STXBP5: variants seen among roughly 807,000 people sequenced by gnomAD.
The protein encoded by STXBP5 is syntaxin-binding protein 5.
A neutral mutation model predicts 152.4 loss-of-function variants in STXBP5; 50 were observed. The ratio of observed to expected loss-of-function variants is 0.33; its 90% CI spans 0.26 to 0.42. The LOEUF (loss-of-function observed/expected upper bound fraction) is 0.42. Ranked by LOEUF, STXBP5 falls within the 10% of genes least tolerant of loss-of-function variation. The pLI is 1.00. For synonymous variants in STXBP5, 492 were observed against 494.7 expected, an observed-to-expected ratio of 0.99 and a Z score of 0.07; for missense variants, 1,167 against 1,388.6, an observed-to-expected ratio of 0.84 and a Z score of 2.54.
rs559739301 is a variant in STXBP5, at chr6:147,270,843, C to T, written c.714+3676C>T. Among the ~76,000 whole-genome samples, 33 of 152,032 alleles carry T rather than the reference C, an allele frequency of 2.2e-4. No individual in the cohort carries two copies. The South Asian group carries it at 5.6e-3, about 26-fold the overall frequency. The stretch of plus-strand genomic sequence containing the variant: ...AAACAGACAACAATAGCACAATGGT[C>T]GGAAGACATGGTCAGAAGACAGAGG... On this transcript the variant is annotated intron_variant, in intron 7 of 27. Coordinates refer to ENST00000321680, the MANE Select transcript of STXBP5 (RefSeq NM_001127715.4).
At chr6:147,245,339 A>G (rs1324617382) in intron 4 of STXBP5, among the ~76,000 whole-genome samples, 1 of 152,192 alleles carries the variant, frequency 6.6e-6, no homozygotes, top group Non-Finnish European at 1.5e-5. Context: ...GAAAAAGTAA[A>G]TATACTTTGA....
At chr6:147,337,999 AGTGTTATATGTG>A (rs1223867356) in intron 19 of STXBP5, among the ~76,000 whole-genome samples, 3 of 152,080 alleles carry the variant, frequency 2.0e-5, no homozygotes, top group Non-Finnish European at 4.4e-5. Flanking sequence ...TTTATTGGAG[AGTGTTATATGTG>A]GTGTCAAATT....
At chr6:147,206,329 T>C (rs1157187607) in intron 2 of STXBP5, among the ~76,000 whole-genome samples, 1 of 152,210 alleles carries the variant, frequency 6.6e-6, no homozygotes, top group Non-Finnish European at 1.5e-5. Context: ...ATTTTATTTG[T>C]AAGGAGATAG....
intron 8 of STXBP5, among the ~76,000 whole-genome samples, chr6:147,288,901 G>C (rs1781130435): frequency 6.6e-6 from 1 of 152,172 alleles, no homozygotes; most frequent in Admixed American, 6.5e-5. Context: ...TCTTCCCTTA[G>C]GGTGTGCTGC....
In STXBP5 at chr6:147,359,165, C is replaced by A; in HGVS notation, c.2387C>A (p.Ala796Asp). Residue 796 changes from alanine to aspartate, a missense_variant, in exon 23 of 28, where the codon GCT (alanine) becomes GAT (aspartate). By Grantham distance (126) the Ala-to-Asp change is moderately radical. Coordinates refer to ENST00000321680, the MANE Select transcript of STXBP5 (RefSeq NM_001127715.4). ...AAAGAATCCCGAGAAGCGATCTCCG[C>A]TCTTCATTTCTGTGAAACGTTTACT... ...IDKESREAIS[A>D]LHFCETFTRK... 6.2e-7 allele frequency: 1 copy of A among 1,614,060 alleles called. No homozygotes were observed. The highest frequency in any genetic ancestry group is 8.5e-7 in the Non-Finnish European group (1 of 1,179,950).
chr6:147,320,393 A>G (rs971280850), intron 16 of STXBP5, among the ~76,000 whole-genome samples: 1 of 152,148 alleles, frequency 6.6e-6, no homozygotes, highest in Non-Finnish European at 1.5e-5. Flanking sequence ...GGTTGAGGGG[A>G]AAATGAGAGG....
At chr6:147,300,443 G>A (rs1015244132) in intron 9 of STXBP5, among the ~76,000 whole-genome samples, 3 of 152,028 alleles carry the variant, frequency 2.0e-5, no homozygotes, top group Non-Finnish European at 4.4e-5. Flanking sequence ...AAACAGCATG[G>A]TATTGGCATA....
intron 2 of STXBP5, among the ~76,000 whole-genome samples, chr6:147,211,273 C>T (rs529820267): frequency 1.9e-4 from 28 of 145,098 alleles, no homozygotes; most frequent in African/African-American, 6.9e-4. Context: ...TGTGCCACTG[C>T]ATTCCAGCCT....
intron 19 of STXBP5, among the ~76,000 whole-genome samples, chr6:147,337,751 A>G (rs760091285): frequency 4.6e-5 from 7 of 152,030 alleles, no homozygotes; most frequent in Admixed American, 2.0e-4. Flanking sequence ...AAAAACAACT[A>G]TATGTATTTC....
chr6:147,364,972 T>C (rs558132113), intron 25 of STXBP5, among the ~76,000 whole-genome samples: 1 of 152,336 alleles, frequency 6.6e-6, no homozygotes, highest in Admixed American at 6.5e-5. Context: ...AATTATGTAA[T>C]CATAAACAAG....
intron 2 of STXBP5, among the ~76,000 whole-genome samples, chr6:147,206,801 AT>A (rs563776084): frequency 1.0e-3 from 156 of 152,198 alleles, no homozygotes; most frequent in African/African-American, 3.7e-3. Context: ...ACTTCAAAAG[AT>A]TTTTTTCAAG....
intron 22 of STXBP5, among the ~76,000 whole-genome samples, chr6:147,355,371 A>C (rs1245986330): frequency 6.6e-6 from 1 of 152,172 alleles, no homozygotes; most frequent in East Asian, 1.9e-4. Context: ...TTGTAAGTAT[A>C]CAGACAGTAG....
intron 2 of STXBP5, among the ~76,000 whole-genome samples, chr6:147,208,532 A>G (rs1006218818): frequency 2.0e-5 from 3 of 152,024 alleles, no homozygotes; most frequent in African/African-American, 4.8e-5. Flanking sequence ...ATATTTTCCT[A>G]TTGTAATTGG....
chr6:147,366,788 C>T (rs1437676894), intron 25 of STXBP5, among the ~76,000 whole-genome samples: 2 of 152,126 alleles, frequency 1.3e-5, no homozygotes, highest in Admixed American at 6.5e-5. Context: ...TTGGATGGTC[C>T]GTTATCAGCC....
Position 147,224,699 on chromosome 6 carries a change from C to T in STXBP5, c.249-10551C>T, listed in dbSNP as rs532641699. On this transcript the variant is annotated intron_variant, in intron 2 of 27. Transcript: ENST00000321680. ...ATGTACTGCTGCTTTTATTTATTGA[C>T]TTTCATTTATCCCCCATAACAGTGT... Among the ~76,000 whole-genome samples the T allele has an allele frequency of 2.0e-5, 3 of 152,194 alleles. No individual in the cohort carries two copies. The East Asian group carries it at 5.8e-4, about 29-fold the overall frequency.
chr6:147,280,739 A>T (rs73584537), intron 8 of STXBP5, among the ~76,000 whole-genome samples: 3 of 152,156 alleles, frequency 2.0e-5, no homozygotes, highest in Non-Finnish European at 2.9e-5. Context: ...TACAGTGTTT[A>T]TATTGTCTTA....
intron 4 of STXBP5, among the ~76,000 whole-genome samples, chr6:147,252,490 A>G (rs1244211420): frequency 6.6e-6 from 1 of 151,994 alleles, no homozygotes; most frequent in South Asian, 2.1e-4. Flanking sequence ...GGGATTGAAG[A>G]TCAACTTAAA....
At chr6:147,313,832 T>C (rs1782502757) in intron 11 of STXBP5, 52 bp from the exon 12 acceptor site, 2 of 1,178,580 alleles carry the variant, frequency 1.7e-6, no homozygotes, top group East Asian at 2.6e-5. Context: ...GTATTAATCA[T>C]ATGGTATAAT....
At chr6:147,305,960 A>G (rs978002420) in intron 9 of STXBP5, among the ~76,000 whole-genome samples, 2 of 152,252 alleles carry the variant, frequency 1.3e-5, no homozygotes, top group African/African-American at 4.8e-5. Context: ...AATGTAGACA[A>G]TGTCATATGA....
Sources: allele counts gnomAD v4.1 joint callset (sites outside exome capture counted in the v4.1 genomes callset), GRCh38; gene constraint gnomAD v4.1.1; transcripts MANE v1.5; gene names NCBI Gene and HGNC (gene_info 2026-07-23, HGNC 2026-07-21).